Variants in CLPB observed in about 807,000 individuals in gnomAD.
The protein encoded by CLPB is mitochondrial disaggregase.
A neutral mutation model predicts 78.4 loss-of-function variants in CLPB; 40 were observed. The observed-to-expected ratio is 0.51, with a 90% CI of 0.40 to 0.66. The LOEUF (loss-of-function observed/expected upper bound fraction) is 0.66, where lower values mean the gene tolerates loss of function less well. CLPB is among the 30% of genes least tolerant of loss of function. CLPB has a pLI of 0.00. For missense variants in CLPB, 780 were observed against 886.9 expected, an observed-to-expected ratio of 0.88 and a Z score of 1.53; for synonymous variants, 333 against 348.0, an observed-to-expected ratio of 0.96 and a Z score of 0.48.
At chr11:72,424,058 C>T (rs545831270) in intron 2 of CLPB, among the ~76,000 whole-genome samples, 1 of 152,334 alleles carries the variant, frequency 6.6e-6, no homozygotes, top group Non-Finnish European at 1.5e-5. Context: ...ACTCAATCTG[C>T]GGTATTCTGT....
chr11:72,431,998 G>A (rs1856558302), intron 1 of CLPB, among the ~76,000 whole-genome samples: 1 of 152,110 alleles, frequency 6.6e-6, no homozygotes, highest in Non-Finnish European at 1.5e-5. Flanking sequence ...CAAATACACT[G>A]GACTCAGAAC....
intron 2 of CLPB, 67 bp downstream of exon 2, chr11:72,430,245 C>T (rs1279302265): frequency 4.7e-6 from 7 of 1,475,344 alleles, no homozygotes; most frequent in Admixed American, 1.9e-5. Flanking sequence ...AAAGTCATCA[C>T]ACGAGAAGAG....
At chr11:72,327,612 A>G (rs1950153438) in intron 6 of CLPB, among the ~76,000 whole-genome samples, 1 of 152,168 alleles carries the variant, frequency 6.6e-6, no homozygotes, top group South Asian at 2.1e-4. Flanking sequence ...CCAGACCAGT[A>G]CCTGCTCTAT....
rs1565413596 is a variant in CLPB, at chr11:72,286,221, C to CTGTTTTTTTTTTTT, written c.*7132_*7145dup. The CTGTTTTTTTTTTTT allele has an allele frequency of 5.9e-4, 35 of 59,124 alleles. No individual in the cohort carries two copies. Among genetic ancestry groups the CTGTTTTTTTTTTTT allele is most frequent in the African/African-American group, 1.2e-3 (16 of 12,982 alleles). 3.7% of individuals were successfully genotyped at this position (59,124 alleles called of 1,614,324 possible). A position where few individuals can be genotyped will look rare whatever the true frequency, so the allele number is the denominator to read the frequency against. On this transcript the variant is annotated 3_prime_UTR_variant, in exon 16 of 16. Transcript: ENST00000538039. ...AGATTACAGGTGTGAGATACTGCACCTGTTTTTTTTTTTTTTTTTTTTTTT... is the reference window on the plus strand; with the variant it reads ...AGATTACAGGTGTGAGATACTGCACCTGTTTTTTTTTTTTTGTTTTTTTTTTTTTTTTTTTTTTT...
chr11:72,321,044 C>A (rs1950034773), intron 6 of CLPB, among the ~76,000 whole-genome samples: 2 of 152,018 alleles, frequency 1.3e-5, no homozygotes, highest in African/African-American at 4.8e-5. Context: ...TTGTGAAAGG[C>A]TAGCCAGTGG....
intron 4 of CLPB, among the ~76,000 whole-genome samples, chr11:72,365,509 G>C (rs1950926077): frequency 6.6e-6 from 1 of 152,152 alleles, no homozygotes; most frequent in African/African-American, 2.4e-5. Context: ...ATAATAGTTT[G>C]CACAACTCTT....
Position 72,329,772 on chromosome 11 carries a change from G to A in CLPB, c.808C>T (p.His270Tyr), listed in dbSNP as rs1158944295. 1 of 1,613,922 alleles carries A rather than the reference G, an allele frequency of 6.2e-7. No homozygotes were observed. Among genetic ancestry groups the A allele is most frequent in the Non-Finnish European group, 8.5e-7 (1 of 1,179,910 alleles). The change falls in exon 6 of 16, where the codon CAC becomes TAC. Residue 270 changes from histidine to tyrosine, a missense_variant. Physicochemically the swap from His to Tyr is moderately conservative, Grantham distance 83 (BLOSUM62 2). Transcript: ENST00000538039. Reference sequence around the variant, plus strand: ...TCTCGGGCATAATCCAAGGGTGTGTGTCCCATTTCATTCCTCTGCAGGGGG... The same window carrying A: ...TCTCGGGCATAATCCAAGGGTGTGTATCCCATTTCATTCCTCTGCAGGGGG... ...ANPLQRNEMG[H>Y]TPLDYAREGE...
Position 72,434,139 on chromosome 11 carries a change from T to C in CLPB, c.336A>G (p.Gly112=), listed in dbSNP as rs748194199. ...CTGCGGCCAGGGCGCACATGCCCAGTCCGGCCCTGCTGGGGACCCCGTTCC... is the reference window on the plus strand; with the variant it reads ...CTGCGGCCAGGGCGCACATGCCCAGCCCGGCCCTGCTGGGGACCCCGTTCC... ...DSWNGVPSRA[G]LGMCALAAAL... is the part of the protein sequence containing the mutation. Residue 112 remains glycine (G), a synonymous_variant, in exon 1 of 16, where the codon GGA becomes GGG. Coordinates refer to ENST00000538039, the MANE Select transcript of CLPB (RefSeq NM_001258392.3). 1.9e-6 allele frequency: 3 copies of C among 1,612,398 alleles called. No homozygotes were observed. Among genetic ancestry groups the C allele is most frequent in the Non-Finnish European group, 2.5e-6 (3 of 1,180,016 alleles).
chr11:72,409,368 A>G (rs1342598957), intron 2 of CLPB, among the ~76,000 whole-genome samples: 2 of 151,050 alleles, frequency 1.3e-5, no homozygotes, highest in Non-Finnish European at 3.0e-5. Context: ...CAGACCACCT[A>G]AGGTCAGGAG....
chr11:72,367,273 C>G (rs570366385), intron 4 of CLPB, among the ~76,000 whole-genome samples: 1 of 152,196 alleles, frequency 6.6e-6, no homozygotes, highest in East Asian at 1.9e-4. Flanking sequence ...AAGTGATTCT[C>G]GTGCCTCAGC....
At chr11:72,324,124 G>A (rs1020047101) in intron 6 of CLPB, among the ~76,000 whole-genome samples, 47 of 152,150 alleles carry the variant, frequency 3.1e-4, no homozygotes, top group South Asian at 2.1e-4. Flanking sequence ...CTTGGGGGAT[G>A]AGTCTGGAAG....
chr11:72,425,343 TATGC>T (rs1856342085), intron 2 of CLPB, among the ~76,000 whole-genome samples: 1 of 152,226 alleles, frequency 6.6e-6, no homozygotes, highest in Admixed American at 6.5e-5. Flanking sequence ...TAGCTCTGAA[TATGC>T]ACTCGTAAGT....
At chr11:72,411,599 C>T (rs754322128) in intron 2 of CLPB, 23 of 152,128 alleles carry the variant, frequency 1.5e-4, no homozygotes, top group African/African-American at 4.6e-4. Context: ...AGACTTCCAA[C>T]GAAAAGACAA....
At chr11:72,334,477 C>T (rs1006639466) in intron 5 of CLPB, among the ~76,000 whole-genome samples, 1 of 152,246 alleles carries the variant, frequency 6.6e-6, no homozygotes, top group African/African-American at 2.4e-5. Context: ...CCCAGCCCTG[C>T]ACCCTCGCTC....
intron 4 of CLPB, among the ~76,000 whole-genome samples, chr11:72,366,827 T>C (rs943186137): frequency 1.3e-5 from 2 of 152,150 alleles, no homozygotes; most frequent in African/African-American, 4.8e-5. Context: ...TGGAGATTTC[T>C]CAGAGAACTC....
intron 7 of CLPB, among the ~76,000 whole-genome samples, chr11:72,314,508 T>G (rs184166455): frequency 6.6e-6 from 1 of 152,240 alleles, no homozygotes; most frequent in Non-Finnish European, 1.5e-5. Flanking sequence ...CTAGAGCCCA[T>G]GAGGGCCTGG....
intron 5 of CLPB, among the ~76,000 whole-genome samples, chr11:72,335,816 T>TGCC (rs1328305412): frequency 6.6e-6 from 1 of 152,214 alleles, no homozygotes; most frequent in Non-Finnish European, 1.5e-5. Context: ...TCTCTCCAGG[T>TGCC]GCCATCTTCT....
intron 7 of CLPB, among the ~76,000 whole-genome samples, chr11:72,309,250 G>A (rs764298360): frequency 6.6e-6 from 1 of 152,154 alleles, no homozygotes; most frequent in African/African-American, 2.4e-5. Context: ...GGGAGCACGG[G>A]GAGTGGGACA....
rs1001835600 is a variant in CLPB at position 72,378,708 on chromosome 11, A to G, written c.646+1573T>C. 3.9e-5 allele frequency among the ~76,000 whole-genome samples: 6 copies of G among 152,216 alleles called. No individual in the cohort carries two copies. In the East Asian group the frequency reaches 9.6e-4, roughly 24 times the overall value. The stretch of plus-strand genomic sequence containing the variant: ...GATGGCCCATAAGCTGAGTCCCCAC[A>G]TATCAGGCTGCAAATAGAGGGCAAG... On this transcript the variant is annotated intron_variant, in intron 4 of 15. Transcript: ENST00000538039.
Sources: allele counts gnomAD v4.1 joint callset (sites outside exome capture counted in the v4.1 genomes callset), GRCh38; gene constraint gnomAD v4.1.1; transcripts MANE v1.5; gene names NCBI Gene and HGNC (gene_info 2026-07-23, HGNC 2026-07-21).